CBLB: variants seen among roughly 807,000 people sequenced by gnomAD.
CBLB encodes the protein Cbl proto-oncogene B, also known as E3 ubiquitin-protein ligase CBL-B.
CBLB carries 31 observed loss-of-function variants against 104.9 expected under a neutral mutation model. The ratio of observed to expected loss-of-function variants is 0.30; its 90% CI spans 0.22 to 0.40. The LOEUF is 0.40. Among genes scored for constraint, CBLB ranks in the 10% least tolerant of loss-of-function variants. The probability of loss-of-function intolerance (pLI) is 1.00; values close to 1 mark genes in which losing one functional copy is unlikely to be tolerated. For synonymous variants in CBLB, 440 were observed against 422.6 expected (o/e 1.04, Z -0.51); for missense variants, 1,062 against 1,214.6 (o/e 0.87, Z 1.87).
At chr3:105,858,057 TC>T (rs562527138) in intron 2 of CBLB, among the ~76,000 whole-genome samples, 199 of 152,250 alleles carry the variant, frequency 1.3e-3, no homozygotes, top group Non-Finnish European at 1.4e-3. Flanking sequence ...TTCTAAAAGA[TC>T]AGAGCATAGG....
chr3:105,797,548 T>C (rs970598830), intron 3 of CBLB, among the ~76,000 whole-genome samples: 1 of 152,106 alleles, frequency 6.6e-6, no homozygotes, highest in African/African-American at 2.4e-5. Flanking sequence ...CCATGACATG[T>C]AGTTTACCTG....
chr3:105,866,417 C>A (rs542216185), intron 2 of CBLB, among the ~76,000 whole-genome samples: 16 of 152,202 alleles, frequency 1.1e-4, no homozygotes, highest in African/African-American at 3.6e-4. Context: ...TTTTTAAAAC[C>A]TCCATTTCTT....
At chr3:105,869,142 G>A, upstream of CBLB, 2 of 722,784 alleles carry the variant, frequency 2.8e-6, no homozygotes, top group Non-Finnish European at 3.9e-6. Flanking sequence ...ATGGACGGGA[G>A]GCGCCCGTCC....
intron 13 of CBLB, among the ~76,000 whole-genome samples, chr3:105,691,335 T>C (rs1230772325): frequency 3.3e-5 from 5 of 152,226 alleles, no homozygotes; most frequent in African/African-American, 1.2e-4. Context: ...AATTGCACTG[T>C]TTCTGAGGGA....
intron 3 of CBLB, among the ~76,000 whole-genome samples, chr3:105,802,943 G>A (rs1172833568): frequency 1.3e-5 from 2 of 152,096 alleles, no homozygotes; most frequent in African/African-American, 4.8e-5. Context: ...TAATTTAACT[G>A]CTTTATTCTA....
intron 3 of CBLB, 145 bp downstream of exon 3, chr3:105,853,269 T>C: frequency 1.3e-6 from 1 of 787,524 alleles, no homozygotes; most frequent in Non-Finnish European, 2.2e-6. Flanking sequence ...TTGTAAAGTA[T>C]CCCCATCGTT....
At chr3:105,703,874 A>C (rs1450426897) in intron 11 of CBLB, 114 bp downstream of exon 11, 1 of 912,888 alleles carries the variant, frequency 1.1e-6, no homozygotes, top group Non-Finnish European at 1.7e-6. Context: ...AAACTCATCA[A>C]ACTTATTCAC....
intron 16 of CBLB, among the ~76,000 whole-genome samples, chr3:105,679,221 T>C (rs2066006830): frequency 6.6e-6 from 1 of 151,834 alleles, no homozygotes; most frequent in South Asian, 2.1e-4. Context: ...ACTACTTACA[T>C]TTGCATATTT....
rs561086478 is a variant in CBLB, at chr3:105,838,075, C to A, written c.419+15339G>T. 8.3e-3 allele frequency among the ~76,000 whole-genome samples: 763 copies of A among 92,116 alleles called. 8 individuals are homozygous for A. Among genetic ancestry groups the A allele is most frequent in the African/African-American group, 0.029 (720 of 25,260 alleles). The allele number at this position is 92,116 out of a possible 152,430, so 60.4% of individuals were successfully genotyped here. On this transcript the variant is annotated intron_variant, in intron 3 of 18. Transcript: ENST00000394030. ...ACATAGCCTATTACCTTTTTTTTTCCTTTTTTTCTTTTTTTTTTTTTTTCT... is the reference window on the plus strand; with the variant it reads ...ACATAGCCTATTACCTTTTTTTTTCATTTTTTTCTTTTTTTTTTTTTTTCT...
chr3:105,805,514 C>T (rs2083390546), intron 3 of CBLB, among the ~76,000 whole-genome samples: 1 of 152,142 alleles, frequency 6.6e-6, no homozygotes, highest in Non-Finnish European at 1.5e-5. Context: ...CCATGTTGCC[C>T]AGGCTGGTCT....
Position 105,665,885 on chromosome 3 carries a change from T to C in CBLB, c.2689+4348A>G, listed in dbSNP as rs367789668. On this transcript the variant is annotated intron_variant, in intron 18 of 18. Transcript: ENST00000394030. ...CTCTACTAAAAATGTAAAAATTAGCTGGGCATGGTGGTGGGCGCCTGTAGT... is the reference window on the plus strand; with the variant it reads ...CTCTACTAAAAATGTAAAAATTAGCCGGGCATGGTGGTGGGCGCCTGTAGT... 2.6e-5 allele frequency among the ~76,000 whole-genome samples: 4 copies of C among 151,380 alleles called. No individual in the cohort carries two copies. The South Asian group carries it at 8.3e-4, about 32-fold the overall frequency.
intron 2 of CBLB, among the ~76,000 whole-genome samples, chr3:105,859,377 C>T (rs1325734875): frequency 6.6e-6 from 1 of 152,172 alleles, no homozygotes; most frequent in Non-Finnish European, 1.5e-5. Context: ...CTGGGCTAGG[C>T]GCGGTGGCTC....
intron 8 of CBLB, 61 bp downstream of exon 8, chr3:105,737,110 A>AC: frequency 2.5e-6 from 2 of 802,864 alleles, no homozygotes; most frequent in Non-Finnish European, 4.2e-6. Flanking sequence ...AGAGAGTCTT[A>AC]TTTATTTCAA....
At chr3:105,670,434 G>A in intron 17 of CBLB, 82 bp from the exon 18 acceptor site, 1 of 1,102,502 alleles carries the variant, frequency 9.1e-7, no homozygotes. Context: ...ATTATTTTAT[G>A]AAGATTATGG....
At position 105,702,473 on chromosome 3, in the gene CBLB, A is replaced by ATAT; in HGVS notation, c.1594-15_1594-14insATA. On this transcript the variant is annotated splice_polypyrimidine_tract_variant and intron_variant, in intron 11 of 18. Coordinates refer to ENST00000394030, the MANE Select transcript of CBLB (RefSeq NM_170662.5). ...GCAAGGAGAAGACTAAAGAAACAGA[A>ATAT]GAGAAAAAAAAAAAAAAAAAAAAAA... is the stretch of plus-strand genomic sequence containing the variant. The ATAT allele has an allele frequency of 4.0e-6, 4 of 1,010,814 alleles. No homozygotes were observed. The highest frequency in any genetic ancestry group is 4.1e-6 in the Non-Finnish European group (3 of 733,442). The allele number at this position is 1,010,814 out of a possible 1,614,324, so 62.6% of individuals were successfully genotyped here.
rs142871912 is a variant in CBLB at position 105,731,660 on chromosome 3, C to T, written c.1203+2349G>A. Among the ~76,000 whole-genome samples the T allele has an allele frequency of 5.7e-4, 87 of 152,180 alleles. 2 individuals carry two copies. In the East Asian group the frequency reaches 0.016, roughly 28 times the overall value. ...TAGAGACGGGGTCTCCTTATGTTGTCCAGGCTGTTCTCGAACTCCTGGGCT... is the reference window on the plus strand; with the variant it reads ...TAGAGACGGGGTCTCCTTATGTTGTTCAGGCTGTTCTCGAACTCCTGGGCT... On this transcript the variant is annotated intron_variant, in intron 9 of 18. Transcript: ENST00000394030.
chr3:105,659,051 G>T lies in CBLB; in HGVS notation c.2868C>A (p.Ala956=), dbSNP rs766963470. ...TCCGGGCAACTTCGACATTATTCTG[G>T]GCTATCTCTAAGGCTCTCTTCACCT... The part of the protein sequence containing the change: ...FEEVKRALEI[A]QNNVEVARSI... The change falls in exon 19 of 19, where the codon GCC becomes GCA. Residue 956 remains alanine (A), a synonymous_variant. Coordinates refer to ENST00000394030, the MANE Select transcript of CBLB (RefSeq NM_170662.5). The T allele has an allele frequency of 6.2e-7, 1 of 1,613,890 alleles. No homozygotes were observed. The highest frequency in any genetic ancestry group is 2.2e-5 in the East Asian group (1 of 44,856).
At chr3:105,786,296 C>A (rs908465430) in intron 3 of CBLB, among the ~76,000 whole-genome samples, 2 of 151,930 alleles carry the variant, frequency 1.3e-5, no homozygotes, top group African/African-American at 4.8e-5. Flanking sequence ...TTAAATTGCC[C>A]TATTTTCAGT....
intron 4 of CBLB, chr3:105,762,198 G>C (rs373381436): frequency 6.6e-5 from 10 of 152,078 alleles, no homozygotes; most frequent in African/African-American, 1.4e-4. Context: ...AAGAAGAAGC[G>C]GAGCATTAAA....
Sources: gnomAD v4.1 joint callset for allele counts (sites outside exome capture counted in the v4.1 genomes callset) on GRCh38, gnomAD v4.1.1 for gene constraint, MANE v1.5 for transcripts, NCBI Gene and HGNC (gene_info 2026-07-23, HGNC 2026-07-21) for gene names.